TULP4: variants seen among roughly 807,000 people sequenced by gnomAD.
The protein encoded by TULP4 is tubby-related protein 4.
TULP4 carries 16 observed loss-of-function variants against 129.0 expected under a neutral mutation model. That is an observed-to-expected ratio of 0.12 (90% CI 0.08 to 0.19). TULP4 has a LOEUF of 0.19. TULP4 is among the 10% of genes least tolerant of loss of function. The pLI is 1.00. For missense variants in TULP4, 1,842 were observed against 2,059.1 expected, an observed-to-expected ratio of 0.89 and a Z score of 2.04; for synonymous variants, 998 against 854.0, an observed-to-expected ratio of 1.17 and a Z score of -2.94.
chr6:158,484,683 G>A (rs1780024946), intron 8 of TULP4, among the ~76,000 whole-genome samples: 1 of 152,136 alleles, frequency 6.6e-6, no homozygotes, highest in South Asian at 2.1e-4. Flanking sequence ...GGACATATGA[G>A]GACACAGCGA....
At chr6:158,480,957 T>G in intron 7 of TULP4, 98 bp from the exon 8 acceptor site, 1 of 1,059,034 alleles carries the variant, frequency 9.4e-7, no homozygotes, top group South Asian at 1.5e-5. Flanking sequence ...TCTGGAACAG[T>G]AGCGTTTTTA....
chr6:158,355,409 A>G (rs1343668375), intron 1 of TULP4, among the ~76,000 whole-genome samples: 1 of 152,148 alleles, frequency 6.6e-6, no homozygotes, highest in Admixed American at 6.5e-5. Context: ...TTGAAGGGTA[A>G]ATGAAAATTT....
chr6:158,449,192 A>T lies in TULP4; in HGVS notation c.724+16A>T, dbSNP rs538065772. 4 of 1,602,498 alleles carry T rather than the reference A, an allele frequency of 2.5e-6. No homozygotes were observed. ...CCTCCCCAAGGTACTCATTGGCCCTACTTTCCTTGTCACTGACCAGAAGGA... is the reference window on the plus strand; with the variant it reads ...CCTCCCCAAGGTACTCATTGGCCCTTCTTTCCTTGTCACTGACCAGAAGGA... On this transcript the variant is annotated intron_variant, in intron 4 of 13. Transcript: ENST00000367097.
intron 1 of TULP4, among the ~76,000 whole-genome samples, chr6:158,327,731 TGTGA>T (rs1779777575): frequency 6.6e-6 from 1 of 152,102 alleles, no homozygotes; most frequent in African/African-American, 2.4e-5. Flanking sequence ...AAGAGGTGTG[TGTGA>T]GTGTGTATAG....
At chr6:158,355,082 TTG>T (rs1780614474) in intron 1 of TULP4, among the ~76,000 whole-genome samples, 1 of 151,804 alleles carries the variant, frequency 6.6e-6, no homozygotes, top group African/African-American at 2.4e-5. Flanking sequence ...TTTGTTGTTG[TTG>T]TTTTTGAGAC....
In TULP4 at chr6:158,494,551, G is replaced by A. The variant is rs3763171; in HGVS notation, c.1777-202G>A. On this transcript the variant is annotated intron_variant, in intron 10 of 13. Transcript: ENST00000367097. The stretch of plus-strand genomic sequence containing the variant: ...CACACCCCCACCTTTCCCCCAGCTC[G>A]ATGCGCCCCCACTCACTGCTGCGTG... 2.2e-3 allele frequency among the ~76,000 whole-genome samples: 339 copies of A among 152,082 alleles called. 1 individual carries two copies. The highest frequency in any genetic ancestry group is 0.016 in the East Asian group (83 of 5,182).
At chr6:158,278,477 G>A (rs1778685051), upstream of TULP4, among the ~76,000 whole-genome samples, 1 of 150,276 alleles carries the variant, frequency 6.7e-6, no homozygotes. Flanking sequence ...ACTATTATCT[G>A]TATGCTCATG....
intron 1 of TULP4, among the ~76,000 whole-genome samples, chr6:158,331,771 G>GTATATA (rs553636109): frequency 0.16 from 4,942 of 30,516 alleles, 993 homozygotes; most frequent in Non-Finnish European, 0.2. Context: ...ATATATACAC[G>GTATATA]TATATATACA....
At chr6:158,330,805 T>A (rs1441332375) in intron 1 of TULP4, among the ~76,000 whole-genome samples, 1 of 152,244 alleles carries the variant, frequency 6.6e-6, no homozygotes, top group Non-Finnish European at 1.5e-5. Context: ...TAATCTGGAA[T>A]AGCTCTTCAG....
In TULP4 at chr6:158,313,941, T is replaced by G; in HGVS notation, c.-76T>G. 6.5e-7 allele frequency: 1 copy of G among 1,539,246 alleles called. No individual in the cohort carries two copies. The highest frequency in any genetic ancestry group is 1.4e-5 in the African/African-American group (1 of 73,212). On this transcript the variant is annotated 5_prime_UTR_variant, in exon 1 of 14. Transcript: ENST00000367097. ...CGCAAGCCAACCACAAAAACACATATACCAATGAAAGAAATTGGTTTAAAT... is the reference window on the plus strand; with the variant it reads ...CGCAAGCCAACCACAAAAACACATAGACCAATGAAAGAAATTGGTTTAAAT...
intron 6 of TULP4, among the ~76,000 whole-genome samples, chr6:158,464,477 C>T (rs1240580091): frequency 2.0e-5 from 3 of 152,146 alleles, no homozygotes; most frequent in Non-Finnish European, 4.4e-5. Flanking sequence ...GTTCTTGTTC[C>T]CCGCTGCAAC....
Position 158,241,235 on chromosome 6 carries a change from C to T in TULP4, n.68+8932C>T, listed in dbSNP as rs540061042. ...CTCACTTCCTAGATGGGATGGCGGC[C>T]GGGCGGAGACGCTCCTCACTTTCCA... On this transcript the variant is annotated intron_variant and non_coding_transcript_variant, in intron 1 of 1. Transcript: ENST00000620026. Among the ~76,000 whole-genome samples, 784 of 124,282 alleles carry T rather than the reference C, an allele frequency of 6.3e-3. 10 individuals carry two copies. Among genetic ancestry groups the T allele is most frequent in the African/African-American group, 0.019 (725 of 37,322 alleles). 81.5% of individuals were successfully genotyped at this position (124,282 alleles called of 152,430 possible).
chr6:158,479,810 A>G lies in TULP4; in HGVS notation c.1086A>G (p.Gly362=). The G allele has an allele frequency of 6.2e-7, 1 of 1,614,156 alleles. No homozygotes were observed. The highest frequency in any genetic ancestry group is 8.5e-7 in the Non-Finnish European group (1 of 1,180,028). ...HRDSRLLMAS[G]PALYVVRVEH... is the part of the protein sequence containing the mutation. ...ATTCGAGGCTGTTGATGGCATCAGGACCAGCCCTGTACGTGGTGCGTGTGG... is the reference window on the plus strand; with the variant it reads ...ATTCGAGGCTGTTGATGGCATCAGGGCCAGCCCTGTACGTGGTGCGTGTGG... Residue 362 remains glycine, a synonymous_variant, in exon 7 of 14, where the codon GGA becomes GGG. Transcript: ENST00000367097.
intron 1 of TULP4, among the ~76,000 whole-genome samples, chr6:158,408,870 G>A (rs1261030304): frequency 1.3e-5 from 2 of 152,230 alleles, no homozygotes; most frequent in East Asian, 3.8e-4. Context: ...AATTGTAGTT[G>A]TTGCTGGTTC....
At chr6:158,283,151 AC>A (rs1778786795) in intron 1 of TULP4, among the ~76,000 whole-genome samples, 1 of 145,592 alleles carries the variant, frequency 6.9e-6, no homozygotes. Flanking sequence ...AAAAAAAAAA[AC>A]AAAAAAAAAC....
chr6:158,294,362 C>CA (rs1233199690), intron 1 of TULP4, among the ~76,000 whole-genome samples: 212 of 126,042 alleles, frequency 1.7e-3, no homozygotes, highest in African/African-American at 3.8e-3. Context: ...GACTCCATCT[C>CA]AAAAAAAAAA....
intron 1 of TULP4, among the ~76,000 whole-genome samples, chr6:158,370,545 T>C (rs532829668): frequency 1.6e-5 from 2 of 128,192 alleles, no homozygotes; most frequent in East Asian, 4.7e-4. Flanking sequence ...AAAGCAAAAA[T>C]AATAAATAAT....
upstream of TULP4, among the ~76,000 whole-genome samples, chr6:158,309,375 C>T (rs1159987619): frequency 4.1e-5 from 6 of 147,882 alleles, no homozygotes; most frequent in Non-Finnish European, 6.0e-5. Context: ...GATGGGATGG[C>T]GGCCGGGCAG....
chr6:158,379,105 C>G (rs1018951347), intron 1 of TULP4, among the ~76,000 whole-genome samples: 2 of 152,122 alleles, frequency 1.3e-5, no homozygotes, highest in African/African-American at 4.8e-5. Flanking sequence ...AGGCTGGCGG[C>G]ATAGGTGTGA....
Sources: allele counts gnomAD v4.1 joint callset (sites outside exome capture counted in the v4.1 genomes callset), GRCh38; gene constraint gnomAD v4.1.1; transcripts MANE v1.5; gene names NCBI Gene and HGNC (gene_info 2026-07-23, HGNC 2026-07-21).